Variants in OSBPL3 observed in about 807,000 individuals in gnomAD.
The protein encoded by OSBPL3 is oxysterol binding protein like 3.
In OSBPL3, 65 loss-of-function variants were observed where a neutral mutation model predicts 120.1. That is an observed-to-expected ratio of 0.54 (90% CI 0.44 to 0.67). The LOEUF (loss-of-function observed/expected upper bound fraction) is 0.67. Ranked by LOEUF, OSBPL3 falls within the 30% of genes least tolerant of loss-of-function variation. The pLI, the probability that OSBPL3 is intolerant of heterozygous loss-of-function variation, is 0.00. For synonymous variants in OSBPL3, 416 were observed against 402.6 expected, an observed-to-expected ratio of 1.03 and a Z score of -0.40; for missense variants, 1,004 against 1,082.1, an observed-to-expected ratio of 0.93 and a Z score of 1.01.
rs920236015 is a variant in OSBPL3, at chr7:24,900,136, C to T, written c.-149-7515G>A. Among the ~76,000 whole-genome samples the T allele has an allele frequency of 6.6e-6, 1 of 152,158 alleles. No homozygotes were observed. The highest frequency in any genetic ancestry group is 1.5e-5 in the Non-Finnish European group (1 of 68,028). ...GGACCTTGTTAGGAATGCAAAATCT[C>T]TGACCCTACCACAGACCAACAAAAT... is the stretch of plus-strand genomic sequence containing the variant. On this transcript the variant is annotated intron_variant, in intron 1 of 22. Coordinates refer to ENST00000313367, the MANE Select transcript of OSBPL3 (RefSeq NM_015550.4). This position sits in a 1 kb window ranked among gnomAD's most constrained non-coding sequence, Gnocchi z 4.5.
chr7:24,840,562 A>C (rs1797617632), intron 14 of OSBPL3, 128 bp downstream of exon 14: 1 of 471,708 alleles, frequency 2.1e-6, no homozygotes, highest in African/African-American at 2.0e-5. Flanking sequence ...CAAAAGTTAT[A>C]CATGGATTTT....
At position 24,863,410 on chromosome 7, in the gene OSBPL3, C is replaced by G; in HGVS notation, c.777+86G>C. On this transcript the variant is annotated intron_variant, in intron 8 of 22. Transcript: ENST00000313367. This position sits in a 1 kb window ranked among gnomAD's most constrained non-coding sequence, Gnocchi z 5.8. ...TGACTTTGGCTGAAGCAACTGACCA[C>G]AGCATCCCACTGTTAGTGAAAGGCT... 1 of 1,368,646 alleles carries G rather than the reference C, an allele frequency of 7.3e-7. No individual in the cohort carries two copies. The highest frequency in any genetic ancestry group is 1.0e-6 in the Non-Finnish European group (1 of 956,792). 84.8% of individuals were successfully genotyped at this position (1,368,646 alleles called of 1,614,324 possible). A position where few individuals can be genotyped will look rare whatever the true frequency, so the allele number is the denominator to read the frequency against.
At chr7:24,825,427 T>C (rs754076244) in intron 16 of OSBPL3, among the ~76,000 whole-genome samples, 2 of 152,230 alleles carry the variant, frequency 1.3e-5, no homozygotes, top group African/African-American at 4.8e-5. Context: ...TTTTCCCTTC[T>C]CCCATGTTCA....
At position 24,955,468 on chromosome 7, in the gene OSBPL3, G is replaced by T. The variant is rs1381178010; in HGVS notation, c.-150+24418C>A. ...GCTTCCATTCTAGTGATTCTCCCTGGCTGTTCTGTGGAGGAGAGGCTACTG... is the reference window on the plus strand; with the variant it reads ...GCTTCCATTCTAGTGATTCTCCCTGTCTGTTCTGTGGAGGAGAGGCTACTG... On this transcript the variant is annotated intron_variant, in intron 1 of 22. Transcript: ENST00000313367. The surrounding 1 kb of genome is among the most constrained non-coding windows in gnomAD (Gnocchi z 4.3). Among the ~76,000 whole-genome samples the T allele has an allele frequency of 2.0e-5, 3 of 152,198 alleles. No homozygotes were observed. Among genetic ancestry groups the T allele is most frequent in the Non-Finnish European group, 2.9e-5 (2 of 68,022 alleles).
intron 1 of OSBPL3, among the ~76,000 whole-genome samples, chr7:24,915,570 A>G (rs1809432935): frequency 6.6e-6 from 1 of 151,728 alleles, no homozygotes; most frequent in African/African-American, 2.4e-5. Context: ...GTTGCCCACC[A>G]AACATTAATT....
rs965235377 is a variant in OSBPL3, at chr7:24,799,306, A to C, written c.*877T>G. ...ACTGTATGTTTTATATTAAACTGGG[A>C]CATTCCATACTCAACAGGGAGGTGA... On this transcript the variant is annotated 3_prime_UTR_variant, in exon 23 of 23. Coordinates refer to ENST00000313367, the MANE Select transcript of OSBPL3 (RefSeq NM_015550.4). This position sits in a 1 kb window ranked among gnomAD's most constrained non-coding sequence, Gnocchi z 5.3. 2 of 152,512 alleles carry C rather than the reference A, an allele frequency of 1.3e-5. No homozygotes were observed. The highest frequency in any genetic ancestry group is 2.9e-5 in the Non-Finnish European group (2 of 68,052). The allele number at this position is 152,512 out of a possible 1,614,324, so 9.4% of individuals were successfully genotyped here.
At chr7:24,975,445 T>G (rs1463716239) in intron 1 of OSBPL3, among the ~76,000 whole-genome samples, 1 of 152,160 alleles carries the variant, frequency 6.6e-6, no homozygotes, top group Non-Finnish European at 1.5e-5. Context: ...TCAAAACAAA[T>G]CAGAAAACTA....
In OSBPL3 at chr7:24,806,944, C is replaced by T. The variant is rs778583164; in HGVS notation, c.2318-42G>A. On this transcript the variant is annotated intron_variant, in intron 20 of 22. Transcript: ENST00000313367. This position sits in a 1 kb window ranked among gnomAD's most constrained non-coding sequence, Gnocchi z 5.2. Reference sequence around the variant, plus strand: ...TCATTCACCCCTAACTTGCATGTTACTTATGTTACATTTTAATTCCTTCAC... The same window carrying T: ...TCATTCACCCCTAACTTGCATGTTATTTATGTTACATTTTAATTCCTTCAC... 1 of 1,533,636 alleles carries T rather than the reference C, an allele frequency of 6.5e-7. No individual in the cohort carries two copies. The highest frequency in any genetic ancestry group is 8.8e-7 in the Non-Finnish European group (1 of 1,134,008).
At chr7:24,928,200 T>TG (rs1439266836) in intron 1 of OSBPL3, among the ~76,000 whole-genome samples, 3 of 150,462 alleles carry the variant, frequency 2.0e-5, no homozygotes, top group Non-Finnish European at 3.0e-5. Context: ...TTTTGTTTTT[T>TG]TTTTTTTTTG....
rs1800632376 is a variant in OSBPL3 at position 24,862,022 on chromosome 7, G to A, written c.871-253C>T. Among the ~76,000 whole-genome samples, 1 of 151,946 alleles carries A rather than the reference G, an allele frequency of 6.6e-6. No homozygotes were observed. Among genetic ancestry groups the A allele is most frequent in the Non-Finnish European group, 1.5e-5 (1 of 68,002 alleles). The stretch of plus-strand genomic sequence containing the variant: ...CTGCCTCAGCCTCCCAAGTAGCTGG[G>A]ACTACAGGCGCCCGCCACCACGCCC... On this transcript the variant is annotated intron_variant, in intron 9 of 22. Transcript: ENST00000313367. This position sits in a 1 kb window ranked among gnomAD's most constrained non-coding sequence, Gnocchi z 4.4.
chr7:24,926,946 C>G (rs1811130290), intron 1 of OSBPL3, among the ~76,000 whole-genome samples: 2 of 152,172 alleles, frequency 1.3e-5, no homozygotes, highest in African/African-American at 4.8e-5. Flanking sequence ...AAGAAACAGA[C>G]TGCTGGCATT....
chr7:24,969,127 A>G (rs1584760166), intron 1 of OSBPL3, among the ~76,000 whole-genome samples: 2 of 152,350 alleles, frequency 1.3e-5, no homozygotes, highest in African/African-American at 4.8e-5. Context: ...ATGTATGAAT[A>G]CCTGTTTCTT....
rs1330226928 is a variant in OSBPL3, at chr7:24,819,202, G to A, written c.1948+973C>T. On this transcript the variant is annotated intron_variant, in intron 17 of 22. Coordinates refer to ENST00000313367, the MANE Select transcript of OSBPL3 (RefSeq NM_015550.4). The surrounding 1 kb of genome is among the most constrained non-coding windows in gnomAD (Gnocchi z 4.1). ...CGGGAGACGGAGGTTGCAGTGAGCC[G>A]AGATCGCACCACTGCACTCCAGCCT... Among the ~76,000 whole-genome samples, 2 of 147,278 alleles carry A rather than the reference G, an allele frequency of 1.4e-5. No homozygotes were observed. The highest frequency in any genetic ancestry group is 1.5e-5 in the Non-Finnish European group (1 of 67,378).
rs1803272442 is a variant in OSBPL3 at position 24,879,092 on chromosome 7, ATGGC to A, written c.97-7027_97-7024del. On this transcript the variant is annotated intron_variant, in intron 2 of 22. Transcript: ENST00000313367. This position sits in a 1 kb window ranked among gnomAD's most constrained non-coding sequence, Gnocchi z 5.6. ...GAGTGCTATGAAAAATGGCAAAAAC[ATGGC>A]TGATCTATGAAAGTCTCTGGAGTGC... Among the ~76,000 whole-genome samples the A allele has an allele frequency of 6.6e-6, 1 of 152,188 alleles. No individual in the cohort carries two copies. The highest frequency in any genetic ancestry group is 2.1e-4 in the South Asian group (1 of 4,832).
At chr7:24,845,303 G>A (rs1367973227) in intron 12 of OSBPL3, among the ~76,000 whole-genome samples, 3 of 147,834 alleles carry the variant, frequency 2.0e-5, no homozygotes, top group East Asian at 2.0e-4. Context: ...ATTCTAGGGA[G>A]AGGCTGGATG....
intron 2 of OSBPL3, among the ~76,000 whole-genome samples, chr7:24,874,422 G>A (rs967570685): frequency 6.6e-6 from 1 of 152,126 alleles, no homozygotes; most frequent in Non-Finnish European, 1.5e-5. Flanking sequence ...TGTGCACAAT[G>A]CAAATACCAA....
intron 13 of OSBPL3, among the ~76,000 whole-genome samples, chr7:24,841,524 C>G (rs1361266982): frequency 6.6e-6 from 1 of 150,988 alleles, no homozygotes; most frequent in Non-Finnish European, 1.5e-5. Flanking sequence ...TGCGGAAGCC[C>G]ATCTCTACTA....
chr7:24,923,427 G>C (rs1043573441), intron 1 of OSBPL3, among the ~76,000 whole-genome samples: 2 of 152,206 alleles, frequency 1.3e-5, no homozygotes, highest in African/African-American at 4.8e-5. Context: ...TCAGAACGTG[G>C]AAGTATTTCG....
chr7:24,834,388 C>T lies in OSBPL3; in HGVS notation c.1746+98G>A, dbSNP rs749550312. Reference sequence around the variant, plus strand: ...GTTTACGGAACAATCAAAATGAAACCGGAGGGAACAGGGGCTGTCTCTCTG... The same window carrying T: ...GTTTACGGAACAATCAAAATGAAACTGGAGGGAACAGGGGCTGTCTCTCTG... On this transcript the variant is annotated intron_variant, in intron 15 of 22. Coordinates refer to ENST00000313367, the MANE Select transcript of OSBPL3 (RefSeq NM_015550.4). The surrounding 1 kb of genome is among the most constrained non-coding windows in gnomAD (Gnocchi z 5.2). The T allele has an allele frequency of 9.2e-6, 14 of 1,519,544 alleles. No individual in the cohort carries two copies. Among genetic ancestry groups the T allele is most frequent in the East Asian group, 6.9e-5 (3 of 43,680 alleles). 94.1% of individuals were successfully genotyped at this position (1,519,544 alleles called of 1,614,324 possible).
Sources: allele counts gnomAD v4.1 joint callset (sites outside exome capture counted in the v4.1 genomes callset), GRCh38; gene constraint gnomAD v4.1.1; non-coding constraint Gnocchi (gnomAD v3.1); transcripts MANE v1.5; gene names NCBI Gene and HGNC (gene_info 2026-07-23, HGNC 2026-07-21).